Variants in CPOX observed in about 807,000 individuals in gnomAD.
CPOX encodes the protein oxygen-dependent coproporphyrinogen-III oxidase, mitochondrial.
A neutral mutation model predicts 48.9 loss-of-function variants in CPOX; 24 were observed. The ratio of observed to expected loss-of-function variants is 0.49; its 90% confidence interval spans 0.36 to 0.69. The LOEUF (loss-of-function observed/expected upper bound fraction) is 0.69. Ranked by LOEUF, CPOX falls within the 30% of genes least tolerant of loss-of-function variation. CPOX has a pLI of 0.00. For synonymous variants in CPOX, 249 were observed against 234.6 expected (o/e 1.06, Z -0.56); for missense variants, 549 against 597.3 (o/e 0.92, Z 0.84).
chr3:98,592,187 T>C (rs1445807218), intron 1 of CPOX, among the ~76,000 whole-genome samples: 5 of 152,136 alleles, frequency 3.3e-5, no homozygotes, highest in Non-Finnish European at 5.9e-5. Flanking sequence ...TCATTTAATA[T>C]AGATGTGTCA....
rs1707342934 is a variant in CPOX, at chr3:98,585,437, T to C, written c.1172+4A>G. The C allele has an allele frequency of 6.2e-7, 1 of 1,613,176 alleles. No individual in the cohort carries two copies. Among genetic ancestry groups the C allele is most frequent in the African/African-American group, 1.3e-5 (1 of 74,878 alleles). On this transcript the variant is annotated splice_donor_region_variant and intron_variant, in intron 5 of 6. Coordinates refer to ENST00000647941, the MANE Select transcript of CPOX (RefSeq NM_000097.7). ...ATGAAAGAATTCGTTTTCCAGTCAC[T>C]TACCGTCCTCTTCTGAGCTGCTGCC...
chr3:98,585,697 G>GA (rs750242759), intron 4 of CPOX, 38 bp from the exon 5 acceptor site: 5 of 1,483,054 alleles, frequency 3.4e-6, no homozygotes, highest in East Asian at 2.3e-5. Context: ...GGATCAAATG[G>GA]AAAAAAACAG....
At chr3:98,572,941 ATAAT>A in the CPOX span, among the ~76,000 whole-genome samples, 1 of 152,224 alleles carries the variant, frequency 6.6e-6, no homozygotes, top group Non-Finnish European at 1.5e-5. Flanking sequence ...AAATACCCAC[ATAAT>A]TAAATTAATG....
Position 98,593,256 on chromosome 3 carries a change from C to G in CPOX, c.249G>C (p.Ala83=). 1 of 1,517,974 alleles carries G rather than the reference C, an allele frequency of 6.6e-7. No individual in the cohort carries two copies. The highest frequency in any genetic ancestry group is 1.4e-5 in the African/African-American group (1 of 72,888). 94.0% of individuals were successfully genotyped at this position (1,517,974 alleles called of 1,614,324 possible). ...CGGCGGTGGCCAGCCCCACCAACCCCGCCAGCGCCGCGGCCAGCCCTGTCC... is the reference window on the plus strand; with the variant it reads ...CGGCGGTGGCCAGCCCCACCAACCCGGCCAGCGCCGCGGCCAGCCCTGTCC... The part of the protein sequence containing the change: ...WVGTGLAAAL[A]GLVGLATAAF... The change falls in exon 1 of 7, where the codon GCG becomes GCC. Residue 83 remains alanine (A), a synonymous_variant. Transcript: ENST00000647941.
At chr3:98,585,874 CTTT>C in intron 4 of CPOX, 1 of 558,490 alleles carries the variant, frequency 1.8e-6, no homozygotes, top group South Asian at 2.0e-5. Flanking sequence ...TTTTTCTTTT[CTTT>C]TCTTTTTTTT....
chr3:98,583,231 C>A (rs961990157), intron 5 of CPOX, among the ~76,000 whole-genome samples: 9 of 152,124 alleles, frequency 5.9e-5, no homozygotes, highest in African/African-American at 2.2e-4. Flanking sequence ...GCACTTAGAT[C>A]TGATTTTTCT....
downstream of CPOX, among the ~76,000 whole-genome samples, chr3:98,579,251 T>C (rs1476684444): frequency 6.6e-6 from 1 of 152,232 alleles, no homozygotes; most frequent in East Asian, 1.9e-4. Flanking sequence ...ACTATGTTAT[T>C]GGTCAGGCTA....
At chr3:98,584,901 T>C (rs1392107760) in intron 5 of CPOX, among the ~76,000 whole-genome samples, 3 of 152,210 alleles carry the variant, frequency 2.0e-5, no homozygotes, top group African/African-American at 7.2e-5. Context: ...CAGTTCCACA[T>C]CTGAGATCTT....
At chr3:98,581,671 T>C (rs1707261956) in intron 5 of CPOX, among the ~76,000 whole-genome samples, 160 bp from the exon 6 acceptor site, 1 of 152,122 alleles carries the variant, frequency 6.6e-6, no homozygotes. Context: ...GAGCTCTCCA[T>C]CTGGACAGGC....
Position 98,581,451 on chromosome 3 carries a change from T to C in CPOX, c.1233A>G (p.Gly411=), listed in dbSNP as rs764098419. ...ACATCAAGATACTTTCAATTCTGGA[T>C]CCTGGAGTGAAGAGGCCAAACTTTG... The part of the protein sequence containing the change: ...RGTKFGLFTP[G]SRIESILMSL... Residue 411 remains glycine (G), a synonymous_variant, in exon 6 of 7, where the codon GGA becomes GGG. Coordinates refer to ENST00000647941, the MANE Select transcript of CPOX (RefSeq NM_000097.7). The C allele has an allele frequency of 6.2e-7, 1 of 1,614,080 alleles. No homozygotes were observed. Among genetic ancestry groups the C allele is most frequent in the South Asian group, 1.1e-5 (1 of 91,082 alleles).
chr3:98,591,084 C>A lies in CPOX; in HGVS notation c.628G>T (p.Val210Phe), dbSNP rs774623952. ...GCTTCCTCTGAAAGATTTCCATGAACAACAGAAATGCTCACCCCAGCCTTT... is the reference window on the plus strand; with the variant it reads ...GCTTCCTCTGAAAGATTTCCATGAAAAACAGAAATGCTCACCCCAGCCTTT... ...FEKAGVSISV[V>F]HGNLSEEAAK... is the part of the protein sequence containing the mutation. The change falls in exon 2 of 7, where the codon GTT becomes TTT. Residue 210 changes from valine (V) to phenylalanine (F), a missense_variant. Physicochemically the swap from Val to Phe is conservative, Grantham distance 50. Transcript: ENST00000647941. 1 of 1,614,094 alleles carries A rather than the reference C, an allele frequency of 6.2e-7. No homozygotes were observed. Among genetic ancestry groups the A allele is most frequent in the Middle Eastern group, 1.6e-4 (1 of 6,062 alleles).
At chr3:98,592,712 A>C (rs1707503439) in intron 1 of CPOX, among the ~76,000 whole-genome samples, 1 of 152,126 alleles carries the variant, frequency 6.6e-6, no homozygotes, top group Admixed American at 6.5e-5. Flanking sequence ...CGGAATTGCA[A>C]AGATTTTGAA....
At chr3:98,586,413 C>T (rs1419970335) in intron 4 of CPOX, among the ~76,000 whole-genome samples, 1 of 152,112 alleles carries the variant, frequency 6.6e-6, no homozygotes, top group African/African-American at 2.4e-5. Context: ...GTTCTTTATT[C>T]ACCAAAGGAA....
chr3:98,579,947 A>G lies in CPOX; in HGVS notation c.*736T>C, dbSNP rs187624806. 1.2e-5 allele frequency: 12 copies of G among 985,842 alleles called. No homozygotes were observed. In the African/African-American group the frequency reaches 2.1e-4, roughly 17 times the overall value. 61.1% of individuals were successfully genotyped at this position (985,842 alleles called of 1,614,324 possible). On this transcript the variant is annotated 3_prime_UTR_variant, in exon 7 of 7. Transcript: ENST00000647941. The stretch of plus-strand genomic sequence containing the variant: ...CTCTTAAGTATCAGAATTCAGGGAT[A>G]TAAGCTTTCACATTCAAAAGTGCAG...
At position 98,593,524 on chromosome 3, in the gene CPOX, G is replaced by C; in HGVS notation, c.-20C>G. 6 of 1,518,192 alleles carry C rather than the reference G, an allele frequency of 4.0e-6. No homozygotes were observed. Among genetic ancestry groups the C allele is most frequent in the Non-Finnish European group, 5.3e-6 (6 of 1,139,182 alleles). 94.0% of individuals were successfully genotyped at this position (1,518,192 alleles called of 1,614,324 possible). A position where few individuals can be genotyped will look rare whatever the true frequency, so the allele number is the denominator to read the frequency against. ...GGCCATGTTCCCGCACTATCACCTG[G>C]AGCAGTGCCTGCGTCCCAGAGCCCT... On this transcript the variant is annotated 5_prime_UTR_variant, in exon 1 of 7. Transcript: ENST00000647941.
At position 98,579,777 on chromosome 3, in the gene CPOX, A is replaced by C. The variant is rs1707216329; in HGVS notation, c.*906T>G. The C allele has an allele frequency of 1.0e-6, 1 of 985,040 alleles. No homozygotes were observed. The highest frequency in any genetic ancestry group is 6.1e-5 in the Admixed American group (1 of 16,262). The allele number at this position is 985,040 out of a possible 1,614,324, so 61.0% of individuals were successfully genotyped here. ...GAAACGTGTGTATGAAATGCCTCCA[A>C]GTTTCTCATACTATATATACTTGCT... On this transcript the variant is annotated 3_prime_UTR_variant, in exon 7 of 7. Transcript: ENST00000647941.
At chr3:98,581,661 G>C in intron 5 of CPOX, 150 bp from the exon 6 acceptor site, 2 of 646,630 alleles carry the variant, frequency 3.1e-6, no homozygotes, top group Non-Finnish European at 5.6e-6. Flanking sequence ...AGCCCATTGA[G>C]AGCTCTCCAT....
chr3:98,585,693 A>C, intron 4 of CPOX, 34 bp from the exon 5 acceptor site: 1 of 1,531,898 alleles, frequency 6.5e-7, no homozygotes, highest in Non-Finnish European at 9.0e-7. Flanking sequence ...CCAGGGATCA[A>C]ATGGAAAAAA....
Position 98,585,532 on chromosome 3 carries a change from C to G in CPOX, c.1081G>C (p.Val361Leu), listed in dbSNP as rs1436558846. ...ACAAGGGGAATGTAAGAAGGAACTA[C>G]AGCCCTGGCACAGCTCTGTACAAAG... ...FRFVQSCARA[V>L]VPSYIPLVKK... The change falls in exon 5 of 7, where the codon GTA (valine) becomes CTA (leucine). Residue 361 changes from valine to leucine, a missense_variant. Val to Leu is a conservative substitution (Grantham distance 32, BLOSUM62 1). This residue lies in a region of CPOX where 213 missense variants were observed against 279.1 expected (regional missense o/e 0.76). Coordinates refer to ENST00000647941, the MANE Select transcript of CPOX (RefSeq NM_000097.7). 2 of 1,614,002 alleles carry G rather than the reference C, an allele frequency of 1.2e-6. No individual in the cohort carries two copies. Among genetic ancestry groups the G allele is most frequent in the Non-Finnish European group, 1.7e-6 (2 of 1,180,026 alleles).
Sources: allele counts gnomAD v4.1 joint callset (sites outside exome capture counted in the v4.1 genomes callset), GRCh38; gene constraint gnomAD v4.1.1; regional missense constraint gnomAD v4.1.1; transcripts MANE v1.5; gene names NCBI Gene and HGNC (gene_info 2026-07-23, HGNC 2026-07-21).